Variants in NSUN7 observed in about 807,000 individuals in gnomAD.
NSUN7 encodes the protein protein NSUN7.
Under a neutral mutation model 58.5 loss-of-function variants are expected in NSUN7, and 39 were observed. The observed-to-expected ratio is 0.67, with a 90% CI of 0.52 to 0.87. The LOEUF is 0.87. NSUN7 is among the 40% of genes least tolerant of loss of function. The pLI, the probability that NSUN7 is intolerant of heterozygous loss-of-function variation, is 0.00. For missense variants in NSUN7, 765 were observed against 844.1 expected, an observed-to-expected ratio of 0.91 and a Z score of 1.16; for synonymous variants, 278 against 303.7, an observed-to-expected ratio of 0.92 and a Z score of 0.88.
intron 4 of NSUN7, among the ~76,000 whole-genome samples, chr4:40,771,455 A>G (rs1223950291): frequency 6.6e-6 from 1 of 152,154 alleles, no homozygotes; most frequent in African/African-American, 2.4e-5. Flanking sequence ...GAACTCTGCA[A>G]TCAAATTACC....
rs563925522 is a variant in NSUN7 at position 40,785,560 on chromosome 4, C to T, written c.1037-5042C>T. 3.3e-5 allele frequency among the ~76,000 whole-genome samples: 5 copies of T among 152,128 alleles called. 1 individual carries two copies. Among genetic ancestry groups the T allele is most frequent in the African/African-American group, 1.2e-4 (5 of 41,488 alleles). On this transcript the variant is annotated intron_variant, in intron 7 of 11. Transcript: ENST00000381782. Reference sequence around the variant, plus strand: ...ATTTTTAGTAGAGATAGGGTTTCACCATGTTGGCCAGGCTGGTTGTGAACT... The same window carrying T: ...ATTTTTAGTAGAGATAGGGTTTCACTATGTTGGCCAGGCTGGTTGTGAACT...
intron 7 of NSUN7, chr4:40,786,848 A>G (rs1742848011): frequency 3.5e-6 from 3 of 847,046 alleles, no homozygotes; most frequent in Non-Finnish European, 5.4e-6. Flanking sequence ...TTGTTGAACA[A>G]TCAGATGCCC....
chr4:40,760,653 G>A lies in NSUN7; in HGVS notation c.357+161G>A, dbSNP rs1322176224. On this transcript the variant is annotated intron_variant, in intron 3 of 11. Transcript: ENST00000381782. The stretch of plus-strand genomic sequence containing the variant: ...CAAGGCGGGCGGATCATCTGAGGTC[G>A]GGAGTTCGAGACCAGCCTGACCAAC... Among the ~76,000 whole-genome samples, 4 of 152,046 alleles carry A rather than the reference G, an allele frequency of 2.6e-5. No homozygotes were observed. The South Asian group carries it at 8.3e-4, about 32-fold the overall frequency.
At chr4:40,752,664 C>T (rs777689641) in intron 2 of NSUN7, among the ~76,000 whole-genome samples, 11 of 152,114 alleles carry the variant, frequency 7.2e-5, no homozygotes, top group Non-Finnish European at 1.3e-4. Context: ...TTGTGATCCA[C>T]CCACCTCAGC....
Position 40,808,990 on chromosome 4 carries a change from G to C in NSUN7, c.*51G>C. ...AAAGAGCAGTTGATTTTTTTTCAAA[G>C]TCTAGTATTTCTCTGAAGATTCTAC... On this transcript the variant is annotated 3_prime_UTR_variant, in exon 12 of 12. Coordinates refer to ENST00000381782, the MANE Select transcript of NSUN7 (RefSeq NM_024677.6). 6.9e-7 allele frequency: 1 copy of C among 1,445,866 alleles called. No homozygotes were observed. The highest frequency in any genetic ancestry group is 9.1e-7 in the Non-Finnish European group (1 of 1,099,760). The allele number at this position is 1,445,866 out of a possible 1,614,324, so 89.6% of individuals were successfully genotyped here. A position where few individuals can be genotyped will look rare whatever the true frequency, so the allele number is the denominator to read the frequency against.
Position 40,750,895 on chromosome 4 carries a change from A to G in NSUN7, c.202A>G (p.Ile68Val). ...RIEKSAQKVLIKYGNEPLRSL... is the reference protein window; with the variant it reads ...RIEKSAQKVLVKYGNEPLRSL... ...CGAAAAGTCGGCACAGAAAGTCTTA[A>G]TCAAGTATGGGAATGAACCCCTGCG... The change falls in exon 2 of 12, where the codon ATC becomes GTC. Residue 68 changes from isoleucine to valine, a missense_variant. Coordinates refer to ENST00000381782, the MANE Select transcript of NSUN7 (RefSeq NM_024677.6). 6.2e-7 allele frequency: 1 copy of G among 1,614,216 alleles called. No homozygotes were observed. Among genetic ancestry groups the G allele is most frequent in the Non-Finnish European group, 8.5e-7 (1 of 1,180,038 alleles).
chr4:40,788,770 G>C (rs1413463164), intron 7 of NSUN7, among the ~76,000 whole-genome samples: 1 of 152,206 alleles, frequency 6.6e-6, no homozygotes, highest in East Asian at 1.9e-4. Flanking sequence ...AGCCTGGTGT[G>C]TGTTGTGTGT....
chr4:40,798,744 G>T, intron 9 of NSUN7, 43 bp from the exon 10 acceptor site: 1 of 1,099,032 alleles, frequency 9.1e-7, no homozygotes, highest in Non-Finnish European at 1.4e-6. Context: ...GTATAGGATT[G>T]TTAATATAGT....
chr4:40,798,939 A>G lies in NSUN7; in HGVS notation c.1400+35A>G, dbSNP rs530002703. The G allele has an allele frequency of 4.4e-5, 47 of 1,077,440 alleles. No individual in the cohort carries two copies. In the South Asian group the frequency reaches 5.9e-4, roughly 14 times the overall value. The allele number at this position is 1,077,440 out of a possible 1,614,324, so 66.7% of individuals were successfully genotyped here. ...GGAAGGATTCTTCTAAACAACTCAA[A>G]CAAATATTTTTTAAAAGGAAAAATA... On this transcript the variant is annotated intron_variant, in intron 10 of 11. Transcript: ENST00000381782.
At chr4:40,792,292 GA>G (rs1743104245) in intron 8 of NSUN7, among the ~76,000 whole-genome samples, 1 of 151,936 alleles carries the variant, frequency 6.6e-6, no homozygotes, top group Non-Finnish European at 1.5e-5. Context: ...TTTTGAGGTG[GA>G]AATCCAGAAA....
At position 40,775,945 on chromosome 4, in the gene NSUN7, T is replaced by C. The variant is rs1742238422; in HGVS notation, c.826-104T>C. The C allele has an allele frequency of 4.5e-6, 3 of 661,862 alleles. No homozygotes were observed. In the South Asian group the frequency reaches 7.5e-5, roughly 17 times the overall value. The allele number at this position is 661,862 out of a possible 1,614,324, so 41.0% of individuals were successfully genotyped here. ...TGTTAAAACTAAAATTGGTTAGGTCTCTAATATTACTATGAGGTACTTTCT... is the reference window on the plus strand; with the variant it reads ...TGTTAAAACTAAAATTGGTTAGGTCCCTAATATTACTATGAGGTACTTTCT... On this transcript the variant is annotated intron_variant, in intron 6 of 11. Transcript: ENST00000381782. This position sits in a 1 kb window ranked among gnomAD's most constrained non-coding sequence, Gnocchi z 4.3.
intron 4 of NSUN7, among the ~76,000 whole-genome samples, chr4:40,771,292 A>G (rs1369427061): frequency 1.3e-5 from 2 of 152,184 alleles, no homozygotes; most frequent in East Asian, 3.9e-4. Context: ...TATTTCCAGG[A>G]TAAGAAGCTT....
intron 10 of NSUN7, among the ~76,000 whole-genome samples, chr4:40,799,172 G>A (rs1347958742): frequency 5.4e-5 from 7 of 129,008 alleles, no homozygotes; most frequent in African/African-American, 1.2e-4. Context: ...TACAAACTCC[G>A]CCTCCCAGGT....
rs776312450 is a variant in NSUN7 at position 40,776,148 on chromosome 4, C to CA, written c.926dup (p.His309GlnfsTer8). The CA allele has an allele frequency of 6.2e-7, 1 of 1,607,410 alleles. No individual in the cohort carries two copies. The highest frequency in any genetic ancestry group is 1.1e-5 in the South Asian group (1 of 90,904). ...TACAGGCTCATGGTACACAGTTTCC[C>CA]ACATGTCAATTTTAACAAATAATAA... is the stretch of plus-strand genomic sequence containing the variant. On this transcript the variant is annotated frameshift_variant, in exon 7 of 12. Coordinates refer to ENST00000381782, the MANE Select transcript of NSUN7 (RefSeq NM_024677.6). LOFTEE classifies it high-confidence loss of function.
intron 7 of NSUN7, chr4:40,786,623 T>C (rs1742834997): frequency 3.1e-6 from 5 of 1,612,406 alleles, no homozygotes; most frequent in Admixed American, 1.7e-5. Flanking sequence ...TGTGCAATCA[T>C]AGGAGATGGC....
At chr4:40,760,721 T>C (rs373687067) in intron 3 of NSUN7, among the ~76,000 whole-genome samples, 6 of 151,964 alleles carry the variant, frequency 3.9e-5, no homozygotes, top group East Asian at 3.9e-4. Flanking sequence ...ATTAGCTGGG[T>C]GTGGTGGCAC....
At position 40,810,018 on chromosome 4, in the gene NSUN7, ACATATT is replaced by A. The variant is rs1404782100; in HGVS notation, c.*1084_*1089del. On this transcript the variant is annotated 3_prime_UTR_variant, in exon 12 of 12. Coordinates refer to ENST00000381782, the MANE Select transcript of NSUN7 (RefSeq NM_024677.6). Reference sequence around the variant, plus strand: ...TCTTATTATTTAAAAACATTCATAGACATATTCATAAAGTTTGAATTTAAAGTTTTA... The same window carrying A: ...TCTTATTATTTAAAAACATTCATAGACATAAAGTTTGAATTTAAAGTTTTA... 6.6e-6 allele frequency: 1 copy of A among 152,240 alleles called. No homozygotes were observed. Among genetic ancestry groups the A allele is most frequent in the Non-Finnish European group, 1.5e-5 (1 of 68,046 alleles). 9.4% of individuals were successfully genotyped at this position (152,240 alleles called of 1,614,324 possible).
intron 7 of NSUN7, among the ~76,000 whole-genome samples, chr4:40,788,564 C>G (rs1031271661): frequency 1.3e-5 from 2 of 152,196 alleles, no homozygotes; most frequent in Non-Finnish European, 2.9e-5. Context: ...TACTCTGATT[C>G]TCCGTTTCTC....
intron 7 of NSUN7, among the ~76,000 whole-genome samples, chr4:40,779,261 A>G (rs1340795416): frequency 6.6e-6 from 1 of 152,106 alleles, no homozygotes; most frequent in African/African-American, 2.4e-5. Flanking sequence ...GTTTAAGGTT[A>G]CAGTAAGCCA....
Sources: gnomAD v4.1 joint callset for allele counts (sites outside exome capture counted in the v4.1 genomes callset) on GRCh38, gnomAD v4.1.1 for gene constraint, Gnocchi (gnomAD v3.1) non-coding constraint, MANE v1.5 for transcripts, NCBI Gene and HGNC (gene_info 2026-07-23, HGNC 2026-07-21) for gene names.